Variants in ADAMTSL3 observed in about 807,000 individuals in gnomAD.
ADAMTSL3 encodes ADAMTS like 3.
In ADAMTSL3, 128 loss-of-function variants were observed where a neutral mutation model predicts 201.7. That is an observed-to-expected ratio of 0.63 (90% CI 0.55 to 0.73). ADAMTSL3 has a LOEUF of 0.73. Among genes scored for constraint, ADAMTSL3 ranks in the 30% least tolerant of loss-of-function variants. The probability of loss-of-function intolerance (pLI) is 0.00; values close to 1 mark genes in which losing one functional copy is unlikely to be tolerated. For synonymous variants in ADAMTSL3, 738 were observed against 748.4 expected, an observed-to-expected ratio of 0.99 and a Z score of 0.23; for missense variants, 1,990 against 2,119.6, an observed-to-expected ratio of 0.94 and a Z score of 1.20.
chr15:83,674,810 A>G (rs1241660997), intron 2 of ADAMTSL3, among the ~76,000 whole-genome samples: 2 of 135,824 alleles, frequency 1.5e-5, no homozygotes, highest in African/African-American at 5.4e-5. Flanking sequence ...GAATTTTGAT[A>G]GGAATTGTGT....
Position 83,721,919 on chromosome 15 carries a change from G to A in ADAMTSL3, c.189+17411G>A, listed in dbSNP as rs546223958. On this transcript the variant is annotated intron_variant, in intron 3 of 29. Coordinates refer to ENST00000286744, the MANE Select transcript of ADAMTSL3 (RefSeq NM_207517.3). ...AGCTAATTTTTTTATTTTTAGTAGA[G>A]ATGGGGTTTCACCATGTTGGCCAGG... Among the ~76,000 whole-genome samples the A allele has an allele frequency of 8.1e-4, 124 of 152,194 alleles. 1 individual carries two copies. The highest frequency in any genetic ancestry group is 2.6e-3 in the African/African-American group (108 of 41,530).
At chr15:83,903,951 A>G (rs1220623745) in intron 15 of ADAMTSL3, among the ~76,000 whole-genome samples, 2,923 of 70,474 alleles carry the variant, frequency 0.041, 662 homozygotes, top group East Asian at 0.18. Context: ...AAAAGAAAAA[A>G]GAAAGAAAGA....
At chr15:83,842,268 C>T (rs1253987407) in intron 7 of ADAMTSL3, among the ~76,000 whole-genome samples, 3 of 151,898 alleles carry the variant, frequency 2.0e-5, no homozygotes, top group East Asian at 2.0e-4. Flanking sequence ...GAAAGCGCTG[C>T]GATACCGAAA....
intron 7 of ADAMTSL3, among the ~76,000 whole-genome samples, chr15:83,845,078 C>T (rs1472412369): frequency 6.6e-6 from 1 of 152,212 alleles, no homozygotes; most frequent in African/African-American, 2.4e-5. Context: ...GAACCTGGAC[C>T]ATGTGTCTCC....
chr15:83,996,420 A>C (rs897593109), intron 23 of ADAMTSL3, among the ~76,000 whole-genome samples: 2 of 152,180 alleles, frequency 1.3e-5, no homozygotes, highest in African/African-American at 4.8e-5. Context: ...CTGGCAGAAA[A>C]TATTTGTTAT....
chr15:83,787,750 G>A (rs2063287606), intron 4 of ADAMTSL3, among the ~76,000 whole-genome samples: 1 of 152,026 alleles, frequency 6.6e-6, no homozygotes, highest in South Asian at 2.1e-4. Flanking sequence ...CTACGCATTA[G>A]AGTCATACTA....
chr15:84,008,358 A>T lies in ADAMTSL3; in HGVS notation c.3974-6184A>T, dbSNP rs751176385. ...GATCTGCCCACCTCGGCCTCCCACA[A>T]TGCTGAGATTACAGGTGTGAGCCAC... On this transcript the variant is annotated intron_variant, in intron 23 of 29. Transcript: ENST00000286744. Among the ~76,000 whole-genome samples the T allele has an allele frequency of 2.6e-5, 4 of 152,110 alleles. No homozygotes were observed. The East Asian group carries it at 7.7e-4, about 29-fold the overall frequency.
At chr15:83,837,999 G>A in intron 6 of ADAMTSL3, 90 bp from the exon 7 acceptor site, 1 of 1,497,852 alleles carries the variant, frequency 6.7e-7, no homozygotes. Context: ...GTAAAGTTAA[G>A]GATTACATCA....
chr15:83,916,458 A>G (rs1000110515), intron 16 of ADAMTSL3, among the ~76,000 whole-genome samples: 7 of 152,232 alleles, frequency 4.6e-5, no homozygotes, highest in Non-Finnish European at 1.0e-4. Flanking sequence ...TAGCTGAACT[A>G]TAAGTACATG....
intron 3 of ADAMTSL3, among the ~76,000 whole-genome samples, chr15:83,755,095 T>A (rs2062698066): frequency 6.6e-6 from 1 of 152,200 alleles, no homozygotes; most frequent in Admixed American, 6.5e-5. Context: ...TATATGACTT[T>A]TATAATCCTG....
chr15:83,876,964 C>T (rs12901364), intron 9 of ADAMTSL3, among the ~76,000 whole-genome samples: 127,882 of 152,218 alleles, frequency 0.84, 54,149 homozygotes, highest in African/African-American at 0.94. Context: ...AGCAAGTTTT[C>T]TGTATTTTTA....
chr15:83,759,434 C>G (rs1003744863), intron 3 of ADAMTSL3, among the ~76,000 whole-genome samples: 1 of 152,144 alleles, frequency 6.6e-6, no homozygotes, highest in Admixed American at 6.5e-5. Flanking sequence ...ACCATGTTAG[C>G]CGGGATGGTC....
At chr15:83,709,699 G>A (rs1249292549) in intron 3 of ADAMTSL3, among the ~76,000 whole-genome samples, 1 of 152,188 alleles carries the variant, frequency 6.6e-6, no homozygotes, top group Non-Finnish European at 1.5e-5. Context: ...CAAGCACAGT[G>A]TTTCTCAGTT....
intron 4 of ADAMTSL3, among the ~76,000 whole-genome samples, chr15:83,799,096 CTT>C (rs1163696281): frequency 6.6e-6 from 1 of 152,140 alleles, no homozygotes; most frequent in Non-Finnish European, 1.5e-5. Context: ...TATCAGGTCT[CTT>C]TATCCTTGAA....
intron 23 of ADAMTSL3, among the ~76,000 whole-genome samples, chr15:84,003,914 C>T (rs967676945): frequency 3.3e-5 from 5 of 152,150 alleles, no homozygotes; most frequent in Non-Finnish European, 5.9e-5. Context: ...CCCACAGCAC[C>T]CACACAGGGT....
At chr15:83,781,633 T>C (rs1245462842) in intron 4 of ADAMTSL3, among the ~76,000 whole-genome samples, 1 of 152,054 alleles carries the variant, frequency 6.6e-6, no homozygotes, top group Non-Finnish European at 1.5e-5. Context: ...AGTTTCTGCA[T>C]AGCAAAGGAA....
At chr15:83,745,450 A>G (rs953502397) in intron 3 of ADAMTSL3, among the ~76,000 whole-genome samples, 1 of 152,196 alleles carries the variant, frequency 6.6e-6, no homozygotes, top group African/African-American at 2.4e-5. Context: ...CTAAAAGAGC[A>G]CTGACTGTAA....
intron 7 of ADAMTSL3, among the ~76,000 whole-genome samples, chr15:83,843,251 T>TA (rs5814163): frequency 0.1 from 15,879 of 151,564 alleles, 1,090 homozygotes; most frequent in South Asian, 0.24. Flanking sequence ...TCCTTTTTTT[T>TA]AAAAAAAATC....
At chr15:83,740,045 A>G (rs2062429713) in intron 3 of ADAMTSL3, 1 of 348,956 alleles carries the variant, frequency 2.9e-6, no homozygotes, top group Non-Finnish European at 6.1e-6. Flanking sequence ...CAGCTCTTGA[A>G]CCCTGAGCAT....
Sources: gnomAD v4.1 joint callset for allele counts (sites outside exome capture counted in the v4.1 genomes callset) on GRCh38, gnomAD v4.1.1 for gene constraint, MANE v1.5 for transcripts, NCBI Gene and HGNC (gene_info 2026-07-23, HGNC 2026-07-21) for gene names.